Variants in PTPRN2 observed in about 807,000 individuals in gnomAD.
PTPRN2 encodes the protein receptor-type tyrosine-protein phosphatase N2.
Under a neutral mutation model 118.8 loss-of-function variants are expected in PTPRN2, and 74 were observed. The ratio of observed to expected loss-of-function variants is 0.62; its 90% CI spans 0.52 to 0.76. The LOEUF (loss-of-function observed/expected upper bound fraction) is 0.76. Ranked by LOEUF, PTPRN2 falls within the 30% of genes least tolerant of loss-of-function variation. The pLI, the probability that PTPRN2 is intolerant of heterozygous loss-of-function variation, is 0.00. For synonymous variants in PTPRN2, 641 were observed against 608.0 expected (o/e 1.05, Z -0.80); for missense variants, 1,481 against 1,394.4 (o/e 1.06, Z -0.99).
intron 3 of PTPRN2, among the ~76,000 whole-genome samples, chr7:158,316,171 C>A (rs143918622): frequency 1.3e-5 from 2 of 152,278 alleles, no homozygotes; most frequent in Admixed American, 1.3e-4. Flanking sequence ...CCTTGCTGGA[C>A]TAGACGCTTA....
rs1332049554 is a variant in PTPRN2 at position 157,690,334 on chromosome 7, G to A, written c.1789-7397C>T. ...TCCTGCGGCGAGGCAGAGACCCCCT[G>A]AACTGAGCTCTCCGACGCCCTAGTT... On this transcript the variant is annotated intron_variant, in intron 12 of 22. Transcript: ENST00000389418. This position sits in a 1 kb window ranked among gnomAD's most constrained non-coding sequence, Gnocchi z 7.1. 6.6e-6 allele frequency among the ~76,000 whole-genome samples: 1 copy of A among 152,328 alleles called. No individual in the cohort carries two copies. Among genetic ancestry groups the A allele is most frequent in the South Asian group, 2.1e-4 (1 of 4,832 alleles).
At chr7:158,407,256 G>GGTCCTGGGTCCTGGGTCCTGGGTCCTGC in intron 2 of PTPRN2, among the ~76,000 whole-genome samples, 1 of 18,674 alleles carries the variant, frequency 5.4e-5, no homozygotes, top group Non-Finnish European at 1.1e-4. Context: ...CTGCGTCCTG[G>GGTCCTGGGTCCTGGGTCCTGGGTCCTGC]GTCCTGGGTC....
At chr7:157,954,013 G>A (rs1028708659) in intron 11 of PTPRN2, among the ~76,000 whole-genome samples, 1 of 152,212 alleles carries the variant, frequency 6.6e-6, no homozygotes, top group African/African-American at 2.4e-5. Context: ...TCGTATCTGA[G>A]GCTGCAACAG....
intron 1 of PTPRN2, among the ~76,000 whole-genome samples, chr7:158,548,537 C>T (rs757786410): frequency 2.0e-5 from 3 of 152,228 alleles, no homozygotes; most frequent in Non-Finnish European, 2.9e-5. Context: ...GGGGGCTCTT[C>T]CTACACCAAA....
chr7:158,475,235 C>G (rs890161888), intron 2 of PTPRN2, among the ~76,000 whole-genome samples: 1 of 151,902 alleles, frequency 6.6e-6, no homozygotes, highest in African/African-American at 2.4e-5. Context: ...GGGGAGGCCC[C>G]GAAGGGCCCC....
At chr7:158,309,828 CG>C (rs1801564700) in intron 3 of PTPRN2, among the ~76,000 whole-genome samples, 1 of 152,208 alleles carries the variant, frequency 6.6e-6, no homozygotes. Flanking sequence ...CCTCCCCAAA[CG>C]TACGTGCTGG....
At chr7:158,445,002 G>T (rs539668109) in intron 2 of PTPRN2, among the ~76,000 whole-genome samples, 1 of 152,212 alleles carries the variant, frequency 6.6e-6, no homozygotes, top group Non-Finnish European at 1.5e-5. Flanking sequence ...CCACCACAGC[G>T]TGTGGACCGT....
intron 2 of PTPRN2, among the ~76,000 whole-genome samples, chr7:158,330,116 A>C (rs1380783210): frequency 2.1e-5 from 3 of 142,072 alleles, no homozygotes; most frequent in East Asian, 4.3e-4. Context: ...CACTCTCACC[A>C]TAAGAGCTGA....
At chr7:158,281,696 T>C (rs1799438127) in intron 3 of PTPRN2, among the ~76,000 whole-genome samples, 1 of 152,194 alleles carries the variant, frequency 6.6e-6, no homozygotes, top group East Asian at 1.9e-4. Flanking sequence ...TGGTGCTGGC[T>C]TTGCACCCAC....
intron 6 of PTPRN2, among the ~76,000 whole-genome samples, chr7:158,141,189 C>A (rs1170579815): frequency 1.3e-5 from 2 of 152,326 alleles, no homozygotes; most frequent in East Asian, 3.9e-4. Flanking sequence ...CAATCCTCTA[C>A]AATAGAAGCG....
chr7:158,005,774 C>G (rs1805595747), intron 11 of PTPRN2, among the ~76,000 whole-genome samples: 1 of 152,168 alleles, frequency 6.6e-6, no homozygotes, highest in African/African-American at 2.4e-5. Context: ...TGGTTTCCCA[C>G]AGCAATGTCC....
At chr7:158,143,060 A>G (rs10236752) in intron 6 of PTPRN2, among the ~76,000 whole-genome samples, 53,069 of 151,760 alleles carry the variant, frequency 0.35, 9,749 homozygotes, top group African/African-American at 0.45. Flanking sequence ...ATTCTCATTC[A>G]CTGCAGTCTC....
chr7:158,149,673 G>C (rs916466081), intron 6 of PTPRN2, among the ~76,000 whole-genome samples: 2 of 151,994 alleles, frequency 1.3e-5, no homozygotes, highest in Admixed American at 1.3e-4. Context: ...GCGTGGTGGC[G>C]CATGCCTGTA....
chr7:158,428,962 G>A (rs1815964034), intron 2 of PTPRN2, among the ~76,000 whole-genome samples: 1 of 152,228 alleles, frequency 6.6e-6, no homozygotes. Context: ...GGGTGTGGGA[G>A]GATTTACGAG....
At chr7:158,262,266 C>A (rs1344068732) in intron 3 of PTPRN2, among the ~76,000 whole-genome samples, 1 of 152,080 alleles carries the variant, frequency 6.6e-6, no homozygotes, top group Non-Finnish European at 1.5e-5. Context: ...ATGCACACTG[C>A]AACACATATA....
chr7:158,323,492 A>G (rs995725207), intron 2 of PTPRN2, among the ~76,000 whole-genome samples: 3 of 152,246 alleles, frequency 2.0e-5, no homozygotes, highest in Non-Finnish European at 4.4e-5. Flanking sequence ...GCCCAGGACA[A>G]TGGACACAAA....
At position 157,831,832 on chromosome 7, in the gene PTPRN2, C is replaced by G. The variant is rs558634618; in HGVS notation, c.1788+66841G>C. ...CTCACGAGACGTCCCACGAATGGAA[C>G]CCTAGGCCATAAAATATATGGATAT... On this transcript the variant is annotated intron_variant, in intron 12 of 22. Coordinates refer to ENST00000389418, the MANE Select transcript of PTPRN2 (RefSeq NM_002847.5). This position sits in a 1 kb window ranked among gnomAD's most constrained non-coding sequence, Gnocchi z 4.8. Among the ~76,000 whole-genome samples the G allele has an allele frequency of 6.6e-6, 1 of 152,334 alleles. No homozygotes were observed. Among genetic ancestry groups the G allele is most frequent in the African/African-American group, 2.4e-5 (1 of 41,574 alleles).
intron 12 of PTPRN2, among the ~76,000 whole-genome samples, chr7:157,781,861 C>T (rs1803700201): frequency 6.6e-6 from 1 of 152,262 alleles, no homozygotes; most frequent in African/African-American, 2.4e-5. Context: ...CCACACCCCA[C>T]TGACTTTGGC....
chr7:158,272,559 C>A (rs1310639736), intron 3 of PTPRN2, among the ~76,000 whole-genome samples: 1 of 152,206 alleles, frequency 6.6e-6, no homozygotes, highest in Non-Finnish European at 1.5e-5. Flanking sequence ...AGAACGGCAG[C>A]CCACCTCAAA....
Sources: allele counts gnomAD v4.1 joint callset (sites outside exome capture counted in the v4.1 genomes callset), GRCh38; gene constraint gnomAD v4.1.1; non-coding constraint Gnocchi (gnomAD v3.1); transcripts MANE v1.5; gene names NCBI Gene and HGNC (gene_info 2026-07-23, HGNC 2026-07-21).